The following CTXN2 variants were observed in gnomAD, a reference collection of about 807,000 sequenced individuals.
The protein encoded by CTXN2 is cortexin 2.
In CTXN2, 3 loss-of-function variants were observed where a neutral mutation model predicts 5.7. The observed-to-expected ratio is 0.53, with a 90% CI of 0.24 to 1.36. The LOEUF (loss-of-function observed/expected upper bound fraction) is 1.36. Among genes scored for constraint, CTXN2 ranks in the 40% most tolerant of loss-of-function variants. The probability of loss-of-function intolerance (pLI) is 0.17; values close to 1 mark genes in which losing one functional copy is unlikely to be tolerated. For synonymous variants in CTXN2, 38 were observed against 36.4 expected (o/e 1.04, Z -0.16); for missense variants, 87 against 93.0 (o/e 0.94, Z 0.26).
chr15:48,191,441 CTCTT>C (rs958105586), upstream of CTXN2: 1 of 214,122 alleles, frequency 4.7e-6, no homozygotes, highest in African/African-American at 2.3e-5. Context: ...TCCTCTCTTC[CTCTT>C]TCTTTTAGCA....
At chr15:48,200,262 A>G (rs2040917084) in intron 1 of CTXN2, among the ~76,000 whole-genome samples, 1 of 152,020 alleles carries the variant, frequency 6.6e-6, no homozygotes, top group South Asian at 2.1e-4. Context: ...GTCCTCTTAA[A>G]AAAGGTGGCT....
At chr15:48,198,849 T>A (rs1307015429) in intron 1 of CTXN2, among the ~76,000 whole-genome samples, 1 of 152,212 alleles carries the variant, frequency 6.6e-6, no homozygotes, top group Non-Finnish European at 1.5e-5. Context: ...ATCATAACTA[T>A]AATCAGTTTA....
At chr15:48,186,710 C>T (rs528336741), upstream of CTXN2, among the ~76,000 whole-genome samples, 1 of 151,802 alleles carries the variant, frequency 6.6e-6, no homozygotes, top group South Asian at 2.1e-4. Context: ...ACCAGCCTGA[C>T]CAACATGCTG....
chr15:48,185,652 G>A (rs1375953694), intron 1 of CTXN2, among the ~76,000 whole-genome samples: 1 of 152,170 alleles, frequency 6.6e-6, no homozygotes, highest in Non-Finnish European at 1.5e-5. Flanking sequence ...ATTTGTTTGA[G>A]TTAGGAAAGA....
upstream of CTXN2, among the ~76,000 whole-genome samples, chr15:48,187,359 A>C (rs78005553): frequency 6.6e-6 from 1 of 152,200 alleles, no homozygotes; most frequent in Non-Finnish European, 1.5e-5. Flanking sequence ...AAACTAATTT[A>C]TGTTTGTCTT....
chr15:48,197,300 G>A (rs2040889014), intron 1 of CTXN2, among the ~76,000 whole-genome samples: 1 of 151,990 alleles, frequency 6.6e-6, no homozygotes, highest in Admixed American at 6.6e-5. Flanking sequence ...TGTCTCCTTA[G>A]GGAAGCCTTT....
intron 1 of CTXN2, among the ~76,000 whole-genome samples, chr15:48,198,964 T>G (rs1181695737): frequency 6.6e-6 from 1 of 152,106 alleles, no homozygotes; most frequent in Non-Finnish European, 1.5e-5. Flanking sequence ...AAAGGTTGGG[T>G]CCTCCAGAAG....
upstream of CTXN2, among the ~76,000 whole-genome samples, chr15:48,187,793 A>G (rs184577257): frequency 1.1e-3 from 161 of 152,336 alleles, no homozygotes; most frequent in African/African-American, 3.6e-3. Context: ...AACAAGGTGG[A>G]CAATTAACAC....
At chr15:48,198,033 CCT>C in intron 1 of CTXN2, among the ~76,000 whole-genome samples, 1 of 152,224 alleles carries the variant, frequency 6.6e-6, no homozygotes, top group South Asian at 2.1e-4. Flanking sequence ...CCCTGTACTT[CCT>C]GGCACAAACT....
At chr15:48,192,101 T>G (rs577019050) in intron 1 of CTXN2, 1 of 295,002 alleles carries the variant, frequency 3.4e-6, no homozygotes, top group African/African-American at 2.2e-5. Flanking sequence ...AAAAGTGTTG[T>G]GTACGTGCAG....
intron 1 of CTXN2, among the ~76,000 whole-genome samples, chr15:48,182,383 T>C (rs557736770): frequency 6.6e-6 from 1 of 152,238 alleles, no homozygotes; most frequent in East Asian, 1.9e-4. Flanking sequence ...TTTCTGTCTG[T>C]GATCCTCCAT....
chr15:48,183,700 C>T (rs574792982), intron 1 of CTXN2, among the ~76,000 whole-genome samples: 2 of 152,288 alleles, frequency 1.3e-5, no homozygotes, highest in South Asian at 2.1e-4. Context: ...TGTAAAAATA[C>T]TTGTGACTTA....
intron 1 of CTXN2, among the ~76,000 whole-genome samples, chr15:48,181,345 A>ATC (rs2040700346): frequency 6.6e-6 from 1 of 152,136 alleles, no homozygotes; most frequent in Non-Finnish European, 1.5e-5. Context: ...GCTGCTGGAG[A>ATC]TCGAGGCACC....
chr15:48,194,530 T>C (rs1417246089), intron 1 of CTXN2, among the ~76,000 whole-genome samples: 1 of 152,126 alleles, frequency 6.6e-6, no homozygotes, highest in Non-Finnish European at 1.5e-5. Context: ...CAGTGCTTAG[T>C]TTCCATCACC....
intron 1 of CTXN2, among the ~76,000 whole-genome samples, chr15:48,182,191 C>CT (rs904478835): frequency 4.6e-4 from 69 of 151,138 alleles, no homozygotes; most frequent in Middle Eastern, 3.4e-3. Flanking sequence ...TTTAGGAGTT[C>CT]TTTTTTTTTA....
At chr15:48,196,900 CAA>C (rs1009314476) in intron 1 of CTXN2, among the ~76,000 whole-genome samples, 4 of 151,800 alleles carry the variant, frequency 2.6e-5, no homozygotes, top group Admixed American at 1.3e-4. Flanking sequence ...TGTAATTTCT[CAA>C]AAGTCTTGAA....
chr15:48,196,167 T>C (rs555849763), intron 1 of CTXN2, among the ~76,000 whole-genome samples: 2 of 152,272 alleles, frequency 1.3e-5, no homozygotes, highest in South Asian at 4.1e-4. Context: ...ACTTGACTAA[T>C]TGCAGCTTAC....
chr15:48,184,690 C>T (rs74643476), intron 1 of CTXN2, among the ~76,000 whole-genome samples: 2,494 of 152,194 alleles, frequency 0.016, 62 homozygotes, highest in African/African-American at 0.058. Flanking sequence ...TCATTAATTA[C>T]TGGTAGAAAT....
At chr15:48,199,629 G>C (rs567517835) in intron 1 of CTXN2, among the ~76,000 whole-genome samples, 15 of 152,244 alleles carry the variant, frequency 9.9e-5, no homozygotes, top group African/African-American at 3.6e-4. Context: ...AAGAAAATTA[G>C]ACATTTAGTC....
Sources: gnomAD v4.1 joint callset for allele counts (sites outside exome capture counted in the v4.1 genomes callset) on GRCh38, gnomAD v4.1.1 for gene constraint, MANE v1.5 for transcripts, NCBI Gene and HGNC (gene_info 2026-07-23, HGNC 2026-07-21) for gene names.